NLGN1: variants seen among roughly 807,000 people sequenced by gnomAD.
NLGN1 encodes neuroligin 1, also known as neuroligin-1.
Under a neutral mutation model 65.5 loss-of-function variants are expected in NLGN1, and 12 were observed. The ratio of observed to expected loss-of-function variants is 0.18; its 90% CI spans 0.12 to 0.30. The LOEUF is 0.30. NLGN1 is among the 10% of genes least tolerant of loss of function. The pLI is 1.00. For synonymous variants in NLGN1, 350 were observed against 359.5 expected (o/e 0.97, Z 0.30); for missense variants, 750 against 1,007.1 (o/e 0.74, Z 3.46).
At chr3:173,507,400 T>C (rs1732210106) in intron 2 of NLGN1, among the ~76,000 whole-genome samples, 1 of 152,064 alleles carries the variant, frequency 6.6e-6, no homozygotes, top group African/African-American at 2.4e-5. Context: ...CTTAACTGGA[T>C]TGTTTTGTTT....
intron 4 of NLGN1, among the ~76,000 whole-genome samples, chr3:173,882,288 G>A (rs904732952): frequency 1.3e-5 from 2 of 152,164 alleles, no homozygotes; most frequent in African/African-American, 4.8e-5. Flanking sequence ...AATTTTTGGA[G>A]TGGGAATTGG....
chr3:173,626,989 G>A (rs542347981), intron 3 of NLGN1, among the ~76,000 whole-genome samples: 1 of 152,166 alleles, frequency 6.6e-6, no homozygotes, highest in South Asian at 2.1e-4. Flanking sequence ...CTCCTTGAAA[G>A]TCACTGACTA....
intron 2 of NLGN1, among the ~76,000 whole-genome samples, chr3:173,572,100 C>T (rs1486043125): frequency 2.0e-5 from 3 of 152,154 alleles, no homozygotes; most frequent in African/African-American, 7.2e-5. Context: ...TATCAGGATC[C>T]AATTTAAGGA....
chr3:173,619,835 A>T (rs1173362969), intron 3 of NLGN1, among the ~76,000 whole-genome samples: 1 of 152,188 alleles, frequency 6.6e-6, no homozygotes, highest in East Asian at 1.9e-4. Flanking sequence ...GGACATCTCT[A>T]TCTTGGATGG....
chr3:173,516,041 T>G (rs1161817240), intron 2 of NLGN1, among the ~76,000 whole-genome samples: 1 of 152,106 alleles, frequency 6.6e-6, no homozygotes, highest in East Asian at 1.9e-4. Flanking sequence ...AACTCCATTT[T>G]ACAAATTTAT....
At chr3:173,874,212 G>A (rs898645632) in intron 4 of NLGN1, among the ~76,000 whole-genome samples, 1 of 152,174 alleles carries the variant, frequency 6.6e-6, no homozygotes, top group Non-Finnish European at 1.5e-5. Context: ...GGGCAGTCAA[G>A]AGACTTTCCA....
intron 4 of NLGN1, among the ~76,000 whole-genome samples, chr3:174,197,585 T>C (rs1260133663): frequency 1.3e-5 from 2 of 148,380 alleles, no homozygotes; most frequent in Non-Finnish European, 3.0e-5. Flanking sequence ...CTTCCTTGAC[T>C]AAGAGAGGGA....
At chr3:173,897,924 G>A (rs1225438270) in intron 4 of NLGN1, among the ~76,000 whole-genome samples, 1 of 152,100 alleles carries the variant, frequency 6.6e-6, no homozygotes, top group Non-Finnish European at 1.5e-5. Context: ...ATTTGTAAAA[G>A]CCATGGTGTA....
chr3:173,833,334 G>A (rs1722962389), intron 4 of NLGN1, among the ~76,000 whole-genome samples: 1 of 151,916 alleles, frequency 6.6e-6, no homozygotes, highest in South Asian at 2.1e-4. Context: ...TAATTATGAG[G>A]AAAATAATCT....
At chr3:173,612,074 C>T (rs558477812) in intron 3 of NLGN1, among the ~76,000 whole-genome samples, 2 of 152,000 alleles carry the variant, frequency 1.3e-5, no homozygotes, top group South Asian at 4.1e-4. Flanking sequence ...TCTTTAATAT[C>T]TCTCCTATGA....
chr3:174,203,426 T>G lies in NLGN1; in HGVS notation c.647-71889T>G, dbSNP rs117065156. Among the ~76,000 whole-genome samples the G allele has an allele frequency of 3.3e-3, 499 of 152,316 alleles. 10 individuals are homozygous for G. The South Asian group carries it at 0.058, about 18-fold the overall frequency. ...GATTAGCCCGTGGTACATTTGTTCTTGGGCAGTTCGATGTGGATGAATCTT... is the reference window on the plus strand; with the variant it reads ...GATTAGCCCGTGGTACATTTGTTCTGGGGCAGTTCGATGTGGATGAATCTT... On this transcript the variant is annotated intron_variant, in intron 4 of 6. Transcript: ENST00000457714.
chr3:174,154,992 T>TAA (rs1561175294), intron 4 of NLGN1, among the ~76,000 whole-genome samples: 6,908 of 121,618 alleles, frequency 0.057, 499 homozygotes, highest in African/African-American at 0.13. Flanking sequence ...ATATTATATA[T>TAA]TATATATATT....
intron 3 of NLGN1, 111 bp downstream of exon 3, chr3:173,605,704 G>A: frequency 2.1e-6 from 1 of 477,860 alleles, no homozygotes; most frequent in South Asian, 1.7e-5. Flanking sequence ...GTTAGGTGAT[G>A]TTTGGAATCT....
intron 3 of NLGN1, among the ~76,000 whole-genome samples, chr3:173,630,597 C>T (rs1219129507): frequency 6.6e-6 from 1 of 151,716 alleles, no homozygotes; most frequent in African/African-American, 2.4e-5. Context: ...CTATTTTTAA[C>T]ATCATTCTAA....
chr3:173,968,908 C>G (rs969970764), intron 4 of NLGN1, among the ~76,000 whole-genome samples: 1 of 151,504 alleles, frequency 6.6e-6, no homozygotes, highest in African/African-American at 2.4e-5. Context: ...ACCATGTTGG[C>G]CAGGCTGGTC....
intron 4 of NLGN1, among the ~76,000 whole-genome samples, chr3:174,061,943 G>A (rs1247927457): frequency 6.6e-6 from 1 of 152,080 alleles, no homozygotes; most frequent in African/African-American, 2.4e-5. Flanking sequence ...CAAACCATCT[G>A]TTGACTTAAG....
Position 173,718,272 on chromosome 3 carries a change from C to T in NLGN1, c.494-89408C>T, listed in dbSNP as rs190510476. On this transcript the variant is annotated intron_variant, in intron 3 of 6. Coordinates refer to ENST00000457714, the Ensembl canonical transcript of NLGN1. Reference sequence around the variant, plus strand: ...TCTTCTCTCTAACTATATGTTTGTACCCATTAACCAACCTTTCTTCATCCA... The same window carrying T: ...TCTTCTCTCTAACTATATGTTTGTATCCATTAACCAACCTTTCTTCATCCA... Among the ~76,000 whole-genome samples, 813 of 152,110 alleles carry T rather than the reference C, an allele frequency of 5.3e-3. 6 individuals are homozygous for T. The highest frequency in any genetic ancestry group is 7.7e-3 in the Non-Finnish European group (523 of 67,962).
chr3:173,767,966 A>G (rs1238810056), intron 3 of NLGN1, among the ~76,000 whole-genome samples: 1 of 152,060 alleles, frequency 6.6e-6, no homozygotes, highest in Non-Finnish European at 1.5e-5. Context: ...CTTTGAACAT[A>G]TAAAAATCAA....
chr3:174,037,382 A>G lies in NLGN1; in HGVS notation c.646+229550A>G, dbSNP rs114644285. Among the ~76,000 whole-genome samples the G allele has an allele frequency of 3.9e-3, 591 of 152,264 alleles. 7 individuals are homozygous for G. Among genetic ancestry groups the G allele is most frequent in the Middle Eastern group, 6.8e-3 (2 of 294 alleles). ...AATAATCATCCGTGATAATTTCTTGATATGCCCCAGGAACAAGTGAACCAC... is the reference window on the plus strand; with the variant it reads ...AATAATCATCCGTGATAATTTCTTGGTATGCCCCAGGAACAAGTGAACCAC... On this transcript the variant is annotated intron_variant, in intron 4 of 6. Coordinates refer to ENST00000457714, the Ensembl canonical transcript of NLGN1.
Sources: gnomAD v4.1 joint callset for allele counts (sites outside exome capture counted in the v4.1 genomes callset) on GRCh38, gnomAD v4.1.1 for gene constraint, MANE v1.5 for transcripts, NCBI Gene and HGNC (gene_info 2026-07-23, HGNC 2026-07-21) for gene names.